Variants in MAF observed in about 807,000 individuals in gnomAD.
MAF encodes transcription factor Maf.
MAF carries 10 observed loss-of-function variants against 22.0 expected under a neutral mutation model. That is an observed-to-expected ratio of 0.45 (90% confidence interval 0.28 to 0.77). The LOEUF is 0.77. Among genes scored for constraint, MAF ranks in the 30% least tolerant of loss-of-function variants. MAF has a pLI of 0.12. For synonymous variants in MAF, 337 were observed against 255.8 expected, an observed-to-expected ratio of 1.32 and a Z score of -3.03; for missense variants, 544 against 548.4, an observed-to-expected ratio of 0.99 and a Z score of 0.08.
At chr16:79,393,260 A>G in the MAF span, among the ~76,000 whole-genome samples, 1 of 151,372 alleles carries the variant, frequency 6.6e-6, no homozygotes, top group East Asian at 1.9e-4. Context: ...GTACCTACAG[A>G]CTGGATTCCA....
At chr16:79,204,135 T>A in the MAF span, 2 of 152,092 alleles carry the variant, frequency 1.3e-5, no homozygotes, top group Non-Finnish European at 2.9e-5. Flanking sequence ...CATGGAAGAA[T>A]AGATACCCCA....
the MAF span, among the ~76,000 whole-genome samples, chr16:79,347,931 G>A: frequency 6.6e-6 from 1 of 152,210 alleles, no homozygotes; most frequent in African/African-American, 2.4e-5. Context: ...GAGTGTGCGT[G>A]CATCTATATG....
chr16:79,228,556 G>T, the MAF span, among the ~76,000 whole-genome samples: 1 of 152,006 alleles, frequency 6.6e-6, no homozygotes, highest in Non-Finnish European at 1.5e-5. Context: ...TGATCTTCCT[G>T]ATCCCTGAGC....
the MAF span, among the ~76,000 whole-genome samples, chr16:79,257,841 T>C: frequency 6.6e-6 from 1 of 152,172 alleles, no homozygotes; most frequent in Non-Finnish European, 1.5e-5. Context: ...AAAGCCATAC[T>C]TATACTATTG....
the MAF span, among the ~76,000 whole-genome samples, chr16:79,564,096 C>G: frequency 6.6e-5 from 10 of 152,236 alleles, no homozygotes; most frequent in Non-Finnish European, 1.3e-4. Flanking sequence ...GATTCCCTCC[C>G]CCATGGCCAC....
At chr16:79,527,602 T>C in the MAF span, among the ~76,000 whole-genome samples, 1 of 152,214 alleles carries the variant, frequency 6.6e-6, no homozygotes, top group Admixed American at 6.5e-5. Context: ...GGAAGTCCCA[T>C]CACCTTACAA....
At chr16:79,275,650 C>T in the MAF span, among the ~76,000 whole-genome samples, 1 of 152,150 alleles carries the variant, frequency 6.6e-6, no homozygotes, top group Non-Finnish European at 1.5e-5. Context: ...GTCATGGCTA[C>T]TTTTTAATTT....
chr16:79,292,959 C>T, the MAF span, among the ~76,000 whole-genome samples: 1 of 152,208 alleles, frequency 6.6e-6, no homozygotes, highest in Non-Finnish European at 1.5e-5. Flanking sequence ...ACCCTCAGTT[C>T]TGGGAGTTGC....
At chr16:79,348,056 G>A in the MAF span, among the ~76,000 whole-genome samples, 2 of 152,124 alleles carry the variant, frequency 1.3e-5, no homozygotes, top group East Asian at 3.8e-4. Context: ...CCTACTCAGC[G>A]TCAACATTAG....
At chr16:79,572,000 C>T in the MAF span, among the ~76,000 whole-genome samples, 3 of 152,154 alleles carry the variant, frequency 2.0e-5, no homozygotes, top group Non-Finnish European at 4.4e-5. Flanking sequence ...ACTATGACTG[C>T]ATTGGTGTAT....
chr16:79,512,953 G>A, the MAF span, among the ~76,000 whole-genome samples: 1 of 152,218 alleles, frequency 6.6e-6, no homozygotes, highest in Non-Finnish European at 1.5e-5. Flanking sequence ...CGAGAGAGGG[G>A]CTGAGTTGCA....
the MAF span, among the ~76,000 whole-genome samples, chr16:79,243,969 G>C: frequency 6.6e-6 from 1 of 151,802 alleles, no homozygotes; most frequent in Non-Finnish European, 1.5e-5. Flanking sequence ...AAAAAACCAC[G>C]TGTTTATCTC....
chr16:79,553,042 G>C, the MAF span, among the ~76,000 whole-genome samples: 2 of 152,208 alleles, frequency 1.3e-5, no homozygotes, highest in African/African-American at 4.8e-5. Context: ...CAGGTTGTGT[G>C]ATCTTTGAAC....
At chr16:79,514,511 C>T in the MAF span, among the ~76,000 whole-genome samples, 1 of 152,170 alleles carries the variant, frequency 6.6e-6, no homozygotes, top group Non-Finnish European at 1.5e-5. Flanking sequence ...AAGACTGTAT[C>T]AGCTTATGAC....
the MAF span, among the ~76,000 whole-genome samples, chr16:79,259,965 C>A: frequency 6.6e-6 from 1 of 152,120 alleles, no homozygotes; most frequent in South Asian, 2.1e-4. Context: ...CAGGTCAAGG[C>A]AGGGAAGTGT....
the MAF span, among the ~76,000 whole-genome samples, chr16:79,479,637 GT>G: frequency 6.6e-6 from 1 of 152,190 alleles, no homozygotes; most frequent in Non-Finnish European, 1.5e-5. Context: ...AATCAGGCCA[GT>G]TATGCGGATC....
chr16:79,559,857 C>A, the MAF span, among the ~76,000 whole-genome samples: 1 of 152,188 alleles, frequency 6.6e-6, no homozygotes, highest in Non-Finnish European at 1.5e-5. Context: ...CCTACCATAA[C>A]ACTGCTGCTT....
the MAF span, among the ~76,000 whole-genome samples, chr16:79,458,522 G>A: frequency 2.0e-5 from 3 of 152,138 alleles, no homozygotes; most frequent in Non-Finnish European, 4.4e-5. Flanking sequence ...CCAAACAGAT[G>A]CCAACTTGAC....
the MAF span, among the ~76,000 whole-genome samples, chr16:79,568,185 C>T: frequency 6.6e-6 from 1 of 152,208 alleles, no homozygotes; most frequent in Non-Finnish European, 1.5e-5. Context: ...AGAGAAAGGG[C>T]ATTTTACCTC....
Sources: gnomAD v4.1 joint callset for allele counts (sites outside exome capture counted in the v4.1 genomes callset) on GRCh38, gnomAD v4.1.1 for gene constraint, MANE v1.5 for transcripts, NCBI Gene and HGNC (gene_info 2026-07-23, HGNC 2026-07-21) for gene names.